Variants in KCNQ1OT1 observed in about 807,000 individuals in gnomAD.
KCNQ1OT1 encodes the protein KCNQ1 antisense RNA 2 (non-protein coding).
At chr11:2,622,634 T>A in exon 1 of KCNQ1OT1, 1 of 398,534 alleles carries the variant, frequency 2.5e-6, no homozygotes, top group East Asian at 3.6e-5. Context: ...CCTTACTGCC[T>A]TTTTTTGTGT....
exon 1 of KCNQ1OT1, chr11:2,693,669 A>G: frequency 5.0e-6 from 2 of 398,652 alleles, no homozygotes; most frequent in Non-Finnish European, 8.8e-6. Flanking sequence ...TTCCGCAGAC[A>G]GAGCAGCCAG....
chr11:2,684,689 T>G (rs1034308296), exon 1 of KCNQ1OT1: 5 of 398,506 alleles, frequency 1.3e-5, no homozygotes, highest in Non-Finnish European at 2.2e-5. Flanking sequence ...AGTGGCCAAC[T>G]GAGCACTTGC....
chr11:2,657,366 ATCT>A lies in KCNQ1OT1; in HGVS notation n.42626_42628del, dbSNP rs1849868327. On this transcript the variant is annotated non_coding_transcript_exon_variant, in exon 1 of 1. Coordinates refer to ENST00000597346, the Ensembl canonical transcript of KCNQ1OT1. This position sits in a 1 kb window ranked among gnomAD's most constrained non-coding sequence, Gnocchi z 4.8. ...AATGAAGGCATATTTCTCCATTTAT[ATCT>A]TCTTCATTGTCTCTTACTAAAGTTT... is the stretch of plus-strand genomic sequence containing the variant. 5.0e-6 allele frequency: 2 copies of A among 398,442 alleles called. No homozygotes were observed. Among genetic ancestry groups the A allele is most frequent in the African/African-American group, 2.1e-5 (1 of 48,614 alleles). 24.7% of individuals were successfully genotyped at this position (398,442 alleles called of 1,614,324 possible).
In KCNQ1OT1 at chr11:2,663,503, C is replaced by T. The variant is rs1850006893; in HGVS notation, n.36492G>A. 1 of 398,624 alleles carries T rather than the reference C, an allele frequency of 2.5e-6. No homozygotes were observed. Among genetic ancestry groups the T allele is most frequent in the Admixed American group, 4.4e-5 (1 of 22,728 alleles). The allele number at this position is 398,624 out of a possible 1,614,324, so 24.7% of individuals were successfully genotyped here. On this transcript the variant is annotated non_coding_transcript_exon_variant, in exon 1 of 1. Coordinates refer to ENST00000597346, the Ensembl canonical transcript of KCNQ1OT1. This position sits in a 1 kb window ranked among gnomAD's most constrained non-coding sequence, Gnocchi z 5.2. ...GTTGTGTGCAATACAGGTGGCAGTG[C>T]CTGTATTGCCTCTTGGCTGTCCCCT... is the stretch of plus-strand genomic sequence containing the variant.
chr11:2,656,983 T>C (rs1849861685), exon 1 of KCNQ1OT1: 1 of 398,624 alleles, frequency 2.5e-6, no homozygotes, highest in Middle Eastern at 6.3e-4. Flanking sequence ...GAAAAGTCCA[T>C]GCTCTTCCCA....
exon 1 of KCNQ1OT1, chr11:2,635,246 A>T (rs897097659): frequency 1.4e-4 from 21 of 152,290 alleles, no homozygotes; most frequent in African/African-American, 4.6e-4. Flanking sequence ...TTAGACATGA[A>T]GTCCTTGCCC....
exon 1 of KCNQ1OT1, chr11:2,639,050 G>C (rs925393678): frequency 6.6e-6 from 1 of 152,212 alleles, no homozygotes; most frequent in Admixed American, 6.5e-5. Flanking sequence ...CTTGTGCCAT[G>C]GTTTTCTGCT....
At position 2,621,215 on chromosome 11, in the gene KCNQ1OT1, T is replaced by A; in HGVS notation, n.78780A>T. On this transcript the variant is annotated non_coding_transcript_exon_variant, in exon 1 of 1. Coordinates refer to ENST00000597346, the Ensembl canonical transcript of KCNQ1OT1. The surrounding 1 kb of genome is among the most constrained non-coding windows in gnomAD (Gnocchi z 5.7). The stretch of plus-strand genomic sequence containing the variant: ...ATGGTCTCGAATACCTGACCCCAGA[T>A]GATCCACGCACCTCAGCCTCCCAAA... 5.0e-6 allele frequency: 2 copies of A among 397,846 alleles called. No homozygotes were observed. Among genetic ancestry groups the A allele is most frequent in the Non-Finnish European group, 8.8e-6 (2 of 225,990 alleles). 24.6% of individuals were successfully genotyped at this position (397,846 alleles called of 1,614,324 possible).
exon 1 of KCNQ1OT1, chr11:2,667,970 G>C (rs146281416): frequency 3.0e-5 from 12 of 398,642 alleles, no homozygotes; most frequent in South Asian, 1.3e-4. Flanking sequence ...AGCCTCTCAG[G>C]CTCCCATTTC....
At chr11:2,636,118 T>G (rs1300467157) in exon 1 of KCNQ1OT1, 2 of 152,362 alleles carry the variant, frequency 1.3e-5, no homozygotes, top group East Asian at 3.9e-4. Flanking sequence ...TATACAATCA[T>G]GTCATCTGCA....
Position 2,620,992 on chromosome 11 carries a change from T to G in KCNQ1OT1, n.79003A>C. On this transcript the variant is annotated non_coding_transcript_exon_variant, in exon 1 of 1. Coordinates refer to ENST00000597346, the Ensembl canonical transcript of KCNQ1OT1. The surrounding 1 kb of genome is among the most constrained non-coding windows in gnomAD (Gnocchi z 4.5). ...TTGCTTTTTTGTTTGTTTGTTTGTTTTTTGAGAAAGAGTCTTGCTCTGTCT... is the reference window on the plus strand; with the variant it reads ...TTGCTTTTTTGTTTGTTTGTTTGTTGTTTGAGAAAGAGTCTTGCTCTGTCT... The G allele has an allele frequency of 2.5e-6, 1 of 397,856 alleles. No individual in the cohort carries two copies. Among genetic ancestry groups the G allele is most frequent in the Non-Finnish European group, 4.4e-6 (1 of 226,036 alleles). 24.6% of individuals were successfully genotyped at this position (397,856 alleles called of 1,614,324 possible). A position where few individuals can be genotyped will look rare whatever the true frequency, so the allele number is the denominator to read the frequency against.
Position 2,682,699 on chromosome 11 carries a change from A to G in KCNQ1OT1, n.17296T>C. 1 of 398,528 alleles carries G rather than the reference A, an allele frequency of 2.5e-6. No homozygotes were observed. The highest frequency in any genetic ancestry group is 4.4e-6 in the Non-Finnish European group (1 of 226,044). The allele number at this position is 398,528 out of a possible 1,614,324, so 24.7% of individuals were successfully genotyped here. A position where few individuals can be genotyped will look rare whatever the true frequency, so the allele number is the denominator to read the frequency against. On this transcript the variant is annotated non_coding_transcript_exon_variant, in exon 1 of 1. Coordinates refer to ENST00000597346, the Ensembl canonical transcript of KCNQ1OT1. The surrounding 1 kb of genome is among the most constrained non-coding windows in gnomAD (Gnocchi z 5.8). Reference sequence around the variant, plus strand: ...CCATAGAAGCTGGGGTCCAAAGTTGACCAGAATATCTCTAGTCATAAAGAA... The same window carrying G: ...CCATAGAAGCTGGGGTCCAAAGTTGGCCAGAATATCTCTAGTCATAAAGAA...
Position 2,669,014 on chromosome 11 carries a change from G to T in KCNQ1OT1, n.30981C>A. 2.5e-6 allele frequency: 1 copy of T among 398,602 alleles called. No individual in the cohort carries two copies. The highest frequency in any genetic ancestry group is 4.4e-6 in the Non-Finnish European group (1 of 226,088). 24.7% of individuals were successfully genotyped at this position (398,602 alleles called of 1,614,324 possible). A position where few individuals can be genotyped will look rare whatever the true frequency, so the allele number is the denominator to read the frequency against. On this transcript the variant is annotated non_coding_transcript_exon_variant, in exon 1 of 1. Transcript: ENST00000597346. The surrounding 1 kb of genome is among the most constrained non-coding windows in gnomAD (Gnocchi z 5.6). ...TCAAGGTCCACTCTTCCCCTACTTG[G>T]ATATCCAGTCTAGCTCAGCACCCGG...
Position 2,699,719 on chromosome 11 carries a change from T to TG in KCNQ1OT1, n.275_276insC, listed in dbSNP as rs1590040323. The TG allele has an allele frequency of 1.4e-3, 277 of 196,450 alleles. 2 individuals carry two copies. Among genetic ancestry groups the TG allele is most frequent in the Middle Eastern group, 4.8e-3 (4 of 840 alleles). The allele number at this position is 196,450 out of a possible 1,614,324, so 12.2% of individuals were successfully genotyped here. ...CCCCGAGGAGAACGGCGCCGAGGAG[T>TG]CCCCGGGGAGAACTGCGCCGAGGAG... is the stretch of plus-strand genomic sequence containing the variant. On this transcript the variant is annotated non_coding_transcript_exon_variant, in exon 1 of 1. Transcript: ENST00000597346.
At position 2,669,313 on chromosome 11, in the gene KCNQ1OT1, T is replaced by C. The variant is rs1850140448; in HGVS notation, n.30682A>G. 3 of 398,514 alleles carry C rather than the reference T, an allele frequency of 7.5e-6. No homozygotes were observed. Among genetic ancestry groups the C allele is most frequent in the East Asian group, 7.1e-5 (2 of 28,084 alleles). The allele number at this position is 398,514 out of a possible 1,614,324, so 24.7% of individuals were successfully genotyped here. On this transcript the variant is annotated non_coding_transcript_exon_variant, in exon 1 of 1. Transcript: ENST00000597346. This position sits in a 1 kb window ranked among gnomAD's most constrained non-coding sequence, Gnocchi z 5.6. ...CTCACCATACATATGCCAGTTGCCATGGAAAGCCTCCTCTAGGCGCAGCAG... is the reference window on the plus strand; with the variant it reads ...CTCACCATACATATGCCAGTTGCCACGGAAAGCCTCCTCTAGGCGCAGCAG...
exon 1 of KCNQ1OT1, chr11:2,619,134 T>C (rs1849120131): frequency 5.0e-6 from 2 of 398,526 alleles, no homozygotes; most frequent in Non-Finnish European, 8.8e-6. Context: ...AAGATAATAT[T>C]ACTTCTTACT....
Position 2,678,481 on chromosome 11 carries a change from T to C in KCNQ1OT1, n.21514A>G. On this transcript the variant is annotated non_coding_transcript_exon_variant, in exon 1 of 1. Coordinates refer to ENST00000597346, the Ensembl canonical transcript of KCNQ1OT1. The surrounding 1 kb of genome is among the most constrained non-coding windows in gnomAD (Gnocchi z 4.9). ...GCTACCTTTATCATATTTCAAACTC[T>C]CATTTAATTTGTGTCCATTTCTAGA... 1 of 398,640 alleles carries C rather than the reference T, an allele frequency of 2.5e-6. No homozygotes were observed. Among genetic ancestry groups the C allele is most frequent in the Non-Finnish European group, 4.4e-6 (1 of 226,064 alleles). 24.7% of individuals were successfully genotyped at this position (398,640 alleles called of 1,614,324 possible).
exon 1 of KCNQ1OT1, chr11:2,634,113 T>G (rs1589994081): frequency 2.5e-6 from 1 of 397,458 alleles, no homozygotes; most frequent in Non-Finnish European, 4.4e-6. Flanking sequence ...TTTTTGCTAT[T>G]TCGGTGAAGA....
exon 1 of KCNQ1OT1, chr11:2,648,861 T>C (rs1245271333): frequency 1.0e-5 from 4 of 398,362 alleles, no homozygotes; most frequent in Non-Finnish European, 1.3e-5. Flanking sequence ...ACTAATAATA[T>C]TTGTTTAATA....
Sources: allele counts gnomAD v4.1 joint callset, GRCh38; gene constraint gnomAD v4.1.1; non-coding constraint Gnocchi (gnomAD v3.1); transcripts MANE v1.5; gene names NCBI Gene and HGNC (gene_info 2026-07-23, HGNC 2026-07-21).